Variants in PTPRD observed in about 807,000 individuals in gnomAD.
PTPRD encodes protein tyrosine phosphatase receptor type D, also known as receptor-type tyrosine-protein phosphatase delta.
A neutral mutation model predicts 214.5 loss-of-function variants in PTPRD; 34 were observed. The ratio of observed to expected loss-of-function variants is 0.16; its 90% CI spans 0.12 to 0.21. The LOEUF (loss-of-function observed/expected upper bound fraction) is 0.21, where lower values mean the gene tolerates loss of function less well. PTPRD is among the 10% of genes least tolerant of loss of function. The pLI, the probability that PTPRD is intolerant of heterozygous loss-of-function variation, is 1.00. For missense variants in PTPRD, 2,545 were observed against 2,398.7 expected (o/e 1.06, Z -1.27); for synonymous variants, 1,128 against 845.7 (o/e 1.33, Z -5.79).
In PTPRD at chr9:8,518,411, C is replaced by T. The variant is rs2097824327; in HGVS notation, c.980G>A (p.Gly327Glu). 6.2e-7 allele frequency: 1 copy of T among 1,603,412 alleles called. No individual in the cohort carries two copies. Residue 327 changes from glycine to glutamate, a missense_variant, in exon 21 of 46, where the codon GGA (glycine) becomes GAA (glutamate). Gly to Glu is a moderately conservative substitution (Grantham distance 98). Transcript: ENST00000381196. Reference protein sequence around the residue: ...ITVKALPKPPGTPVVTESTAT... With the variant: ...ITVKALPKPPETPVVTESTAT... ...TGTGCTCTCGGTCACTACAGGAGTT[C>T]CTGGAGGTTTGGGTAAGGCTTGGAT...
intron 8 of PTPRD, among the ~76,000 whole-genome samples, chr9:9,526,044 T>C (rs2074052243): frequency 6.6e-6 from 1 of 152,156 alleles, no homozygotes; most frequent in South Asian, 2.1e-4. Context: ...TAGATACGCA[T>C]ACCAAAGGAT....
chr9:10,209,098 T>G (rs1291445280), intron 3 of PTPRD, among the ~76,000 whole-genome samples: 1 of 152,186 alleles, frequency 6.6e-6, no homozygotes, highest in Non-Finnish European at 1.5e-5. Context: ...TTTTTTCCAC[T>G]GGAAACTGTG....
At chr9:9,960,093 G>A (rs1159857472) in intron 4 of PTPRD, among the ~76,000 whole-genome samples, 1 of 151,722 alleles carries the variant, frequency 6.6e-6, no homozygotes, top group Admixed American at 6.6e-5. Flanking sequence ...TTAAATAAAC[G>A]ACTGACTCTA....
chr9:8,345,994 C>G (rs1857236599), intron 39 of PTPRD, among the ~76,000 whole-genome samples: 2 of 152,024 alleles, frequency 1.3e-5, no homozygotes, highest in African/African-American at 4.8e-5. Context: ...TGATGCCTTT[C>G]TTTTTCAGCA....
chr9:9,112,968 CTTTTTTTTTTG>C (rs2099808202), intron 10 of PTPRD, among the ~76,000 whole-genome samples: 1 of 125,670 alleles, frequency 8.0e-6, no homozygotes, highest in South Asian at 2.6e-4. Flanking sequence ...CTATTTTTTT[CTTTTTTTTTTG>C]TTTGAGACAG....
intron 3 of PTPRD, among the ~76,000 whole-genome samples, chr9:10,236,029 G>C (rs1343133434): frequency 6.6e-6 from 1 of 151,882 alleles, no homozygotes; most frequent in African/African-American, 2.4e-5. Context: ...ATTTACACTA[G>C]AAAACAGGAT....
chr9:9,673,275 C>T (rs887780514), intron 7 of PTPRD, among the ~76,000 whole-genome samples: 1 of 151,848 alleles, frequency 6.6e-6, no homozygotes, highest in Non-Finnish European at 1.5e-5. Context: ...CTATCAGCTA[C>T]AGGAAGAAAA....
At chr9:9,073,928 G>A (rs2154411904) in intron 10 of PTPRD, among the ~76,000 whole-genome samples, 1 of 151,856 alleles carries the variant, frequency 6.6e-6, no homozygotes, top group African/African-American at 2.4e-5. Context: ...GTGTAATATT[G>A]GTCTCAACAG....
rs1018058054 is a variant in PTPRD, at chr9:9,351,867, A to G, written c.-203+45582T>C. On this transcript the variant is annotated intron_variant, in intron 9 of 45. Transcript: ENST00000381196. ...CTCCATTTCTGTATCCGTCCATTGGAGATAACATGAATATCCACCTTGATG... is the reference window on the plus strand; with the variant it reads ...CTCCATTTCTGTATCCGTCCATTGGGGATAACATGAATATCCACCTTGATG... Among the ~76,000 whole-genome samples, 4 of 152,020 alleles carry G rather than the reference A, an allele frequency of 2.6e-5. No homozygotes were observed. The East Asian group carries it at 7.8e-4, about 29-fold the overall frequency.
chr9:9,938,824 T>G (rs966247619), intron 4 of PTPRD, among the ~76,000 whole-genome samples: 1 of 152,170 alleles, frequency 6.6e-6, no homozygotes, highest in Non-Finnish European at 1.5e-5. Context: ...TTTTATCTCC[T>G]ATAAAATCTT....
At chr9:9,750,623 G>A (rs922490773) in intron 6 of PTPRD, among the ~76,000 whole-genome samples, 1 of 152,094 alleles carries the variant, frequency 6.6e-6, no homozygotes, top group African/African-American at 2.4e-5. Flanking sequence ...TTTGCACTAG[G>A]GGTGTGGGTA....
chr9:8,454,483 G>C (rs1218854200), intron 33 of PTPRD: 1 of 1,292,356 alleles, frequency 7.7e-7, no homozygotes, highest in South Asian at 1.3e-5. Context: ...ATTATCTTTT[G>C]TGTGCAGCCC....
At chr9:10,223,338 C>T (rs2099577593) in intron 3 of PTPRD, among the ~76,000 whole-genome samples, 4 of 151,918 alleles carry the variant, frequency 2.6e-5, no homozygotes, top group Admixed American at 2.6e-4. Flanking sequence ...GATTGAAAGT[C>T]AGAACCTCCT....
intron 9 of PTPRD, among the ~76,000 whole-genome samples, chr9:9,360,196 G>T (rs1290193968): frequency 6.6e-6 from 1 of 150,682 alleles, no homozygotes; most frequent in African/African-American, 2.4e-5. Context: ...TTTTCATTTT[G>T]AGCATTGGAC....
At chr9:8,892,518 T>C (rs1412106041) in intron 11 of PTPRD, among the ~76,000 whole-genome samples, 4 of 149,962 alleles carry the variant, frequency 2.7e-5, no homozygotes, top group African/African-American at 1.0e-4. Flanking sequence ...GTTGAATATA[T>C]ATATATGTGT....
chr9:8,816,529 T>C (rs1381138618), intron 11 of PTPRD, among the ~76,000 whole-genome samples: 1 of 152,180 alleles, frequency 6.6e-6, no homozygotes, highest in Non-Finnish European at 1.5e-5. Flanking sequence ...CTAAAGGAAA[T>C]CATTCTTCCA....
At chr9:9,981,366 T>TTTTG (rs2095537661) in intron 4 of PTPRD, among the ~76,000 whole-genome samples, 1 of 151,102 alleles carries the variant, frequency 6.6e-6, no homozygotes, top group Non-Finnish European at 1.5e-5. Flanking sequence ...TTTTTTTTTT[T>TTTTG]TTTTTTAAGA....
chr9:10,089,666 C>A (rs1214286533), intron 3 of PTPRD, among the ~76,000 whole-genome samples: 1 of 151,570 alleles, frequency 6.6e-6, no homozygotes, highest in African/African-American at 2.4e-5. Context: ...GTATAACTTC[C>A]AAGCCAATTG....
intron 5 of PTPRD, among the ~76,000 whole-genome samples, chr9:9,851,703 G>A (rs997617042): frequency 2.6e-5 from 4 of 152,110 alleles, no homozygotes; most frequent in African/African-American, 4.8e-5. Context: ...TCACTTGAAC[G>A]CAGGAGGTAA....
Sources: gnomAD v4.1 joint callset for allele counts (sites outside exome capture counted in the v4.1 genomes callset) on GRCh38, gnomAD v4.1.1 for gene constraint, MANE v1.5 for transcripts, NCBI Gene and HGNC (gene_info 2026-07-23, HGNC 2026-07-21) for gene names.